The following TMEM135 variants were observed in gnomAD, a reference collection of about 807,000 sequenced individuals.
TMEM135 encodes the protein transmembrane protein 135, also known as peroxisomal membrane protein 52.
Under a neutral mutation model 60.3 loss-of-function variants are expected in TMEM135, and 30 were observed. The ratio of observed to expected loss-of-function variants is 0.50; its 90% CI spans 0.37 to 0.68. The LOEUF (loss-of-function observed/expected upper bound fraction) is 0.68, where lower values mean the gene tolerates loss of function less well. TMEM135 is among the 30% of genes least tolerant of loss of function. The probability of loss-of-function intolerance (pLI) is 0.00; values close to 1 mark genes in which losing one functional copy is unlikely to be tolerated. For missense variants in TMEM135, 468 were observed against 548.8 expected, an observed-to-expected ratio of 0.85 and a Z score of 1.47; for synonymous variants, 190 against 186.7, an observed-to-expected ratio of 1.02 and a Z score of -0.14.
intron 5 of TMEM135, among the ~76,000 whole-genome samples, chr11:87,205,858 G>A (rs1940222645): frequency 6.6e-6 from 1 of 152,104 alleles, no homozygotes; most frequent in African/African-American, 2.4e-5. Flanking sequence ...ACTGGTCAGA[G>A]GATAAGGAAT....
chr11:87,300,483 T>C lies in TMEM135; in HGVS notation c.552-1813T>C, dbSNP rs139996705. The stretch of plus-strand genomic sequence containing the variant: ...TCTGGGTTCAAATAATTACTGATAA[T>C]TTATTGGTTGTGGACAAGATACTTA... On this transcript the variant is annotated intron_variant, in intron 7 of 14. Transcript: ENST00000305494. 5.9e-5 allele frequency among the ~76,000 whole-genome samples: 9 copies of C among 152,296 alleles called. No homozygotes were observed. In the East Asian group the frequency reaches 1.7e-3, roughly 29 times the overall value.
intron 5 of TMEM135, among the ~76,000 whole-genome samples, chr11:87,212,705 C>A (rs1313347071): frequency 6.6e-6 from 1 of 151,780 alleles, no homozygotes; most frequent in East Asian, 1.9e-4. Flanking sequence ...TGCTTGTGGT[C>A]CCAGCTACTC....
intron 4 of TMEM135, among the ~76,000 whole-genome samples, chr11:87,144,954 G>A (rs1341185755): frequency 6.6e-6 from 1 of 151,856 alleles, no homozygotes; most frequent in Non-Finnish European, 1.5e-5. Flanking sequence ...ACTTTTTTGT[G>A]GCAAGAACAT....
intron 4 of TMEM135, among the ~76,000 whole-genome samples, chr11:87,137,662 A>C (rs888797424): frequency 7.4e-6 from 1 of 135,222 alleles, no homozygotes; most frequent in African/African-American, 2.7e-5. Context: ...ATAACTCTAA[A>C]TCTCAGCATT....
chr11:87,083,755 A>G (rs747578821), intron 3 of TMEM135, among the ~76,000 whole-genome samples: 3 of 152,200 alleles, frequency 2.0e-5, no homozygotes, highest in Non-Finnish European at 4.4e-5. Context: ...GCTCTAGATT[A>G]GAAATTTATT....
At chr11:87,223,269 A>G (rs976760432) in intron 5 of TMEM135, among the ~76,000 whole-genome samples, 6 of 146,510 alleles carry the variant, frequency 4.1e-5, no homozygotes, top group Non-Finnish European at 7.4e-5. Context: ...GGTTCATGCT[A>G]TTCTCCTGCC....
At chr11:87,263,456 T>C (rs11235056) in intron 6 of TMEM135, among the ~76,000 whole-genome samples, 4,156 of 152,242 alleles carry the variant, frequency 0.027, 153 homozygotes, top group East Asian at 0.16. Context: ...TCATTATTTA[T>C]CCTAGTAGAG....
chr11:87,211,728 T>C (rs976046436), intron 5 of TMEM135, among the ~76,000 whole-genome samples: 2 of 151,984 alleles, frequency 1.3e-5, no homozygotes, highest in Non-Finnish European at 2.9e-5. Flanking sequence ...AGCAGGATAG[T>C]TTACTGTTTA....
intron 4 of TMEM135, among the ~76,000 whole-genome samples, chr11:87,128,323 A>T (rs756036487): frequency 3.3e-4 from 50 of 151,988 alleles, no homozygotes; most frequent in African/African-American, 1.2e-3. Flanking sequence ...CAAATCTCTT[A>T]CTGCTTTGTA....
At chr11:87,256,148 T>G (rs146543435) in intron 6 of TMEM135, among the ~76,000 whole-genome samples, 1 of 151,408 alleles carries the variant, frequency 6.6e-6, no homozygotes, top group African/African-American at 2.5e-5. Flanking sequence ...TATAAACTTA[T>G]TTGAATTTAC....
intron 5 of TMEM135, among the ~76,000 whole-genome samples, chr11:87,202,304 G>A (rs1156800724): frequency 6.6e-6 from 1 of 152,058 alleles, no homozygotes; most frequent in African/African-American, 2.4e-5. Flanking sequence ...GGGATTACAG[G>A]CGTAAGCCGC....
intron 1 of TMEM135, among the ~76,000 whole-genome samples, chr11:87,041,317 C>A (rs1464796900): frequency 6.7e-6 from 1 of 150,158 alleles, no homozygotes; most frequent in East Asian, 2.0e-4. Context: ...GACTGAAGGA[C>A]AGGCTAAAGG....
chr11:87,189,159 T>C (rs1013092246), intron 5 of TMEM135, among the ~76,000 whole-genome samples: 4 of 151,618 alleles, frequency 2.6e-5, no homozygotes, highest in African/African-American at 9.7e-5. Flanking sequence ...TTCCTTTCCC[T>C]TTCCCTTTCC....
chr11:87,149,032 TTGTGTGTG>T (rs553840798), intron 4 of TMEM135, among the ~76,000 whole-genome samples: 1 of 143,694 alleles, frequency 7.0e-6, no homozygotes, highest in African/African-American at 2.5e-5. Context: ...CCCCATACCT[TTGTGTGTG>T]TGTGTGTGTG....
intron 4 of TMEM135, among the ~76,000 whole-genome samples, chr11:87,139,665 C>T (rs1006255623): frequency 3.9e-5 from 6 of 152,162 alleles, no homozygotes; most frequent in African/African-American, 1.4e-4. Context: ...GCCTTCCCGC[C>T]AGCAATATAT....
At position 87,327,537 on chromosome 11, in the gene TMEM135, G is replaced by T. The variant is rs1376059814; in HGVS notation, c.*6204G>T. On this transcript the variant is annotated 3_prime_UTR_variant, in exon 15 of 15. Coordinates refer to ENST00000305494, the MANE Select transcript of TMEM135 (RefSeq NM_022918.4). ...AGGGATAGAGAGATACATAGAGAGAGATATGAGAGGGATAGAGAGAGACAC... is the reference window on the plus strand; with the variant it reads ...AGGGATAGAGAGATACATAGAGAGATATATGAGAGGGATAGAGAGAGACAC... 4.4e-6 allele frequency: 2 copies of T among 453,080 alleles called. No individual in the cohort carries two copies. The highest frequency in any genetic ancestry group is 1.4e-4 in the East Asian group (2 of 14,376). The allele number at this position is 453,080 out of a possible 1,614,324, so 28.1% of individuals were successfully genotyped here.
At chr11:87,283,170 A>G (rs1942098897) in intron 6 of TMEM135, among the ~76,000 whole-genome samples, 1 of 151,754 alleles carries the variant, frequency 6.6e-6, no homozygotes, top group South Asian at 2.1e-4. Context: ...CCCTGTCTCT[A>G]CTGAAAATAC....
At chr11:87,293,363 A>G (rs1266715229) in intron 6 of TMEM135, among the ~76,000 whole-genome samples, 2 of 150,674 alleles carry the variant, frequency 1.3e-5, no homozygotes, top group Non-Finnish European at 2.9e-5. Context: ...CTTAATTGAA[A>G]TTGAGTTTTT....
chr11:87,038,378 G>C (rs894659754), intron 1 of TMEM135, among the ~76,000 whole-genome samples, 192 bp downstream of exon 1: 2 of 152,126 alleles, frequency 1.3e-5, no homozygotes, highest in Non-Finnish European at 2.9e-5. Context: ...ATTCCTGCAA[G>C]GGAGAAGGAG....
Sources: allele counts gnomAD v4.1 joint callset (sites outside exome capture counted in the v4.1 genomes callset), GRCh38; gene constraint gnomAD v4.1.1; transcripts MANE v1.5; gene names NCBI Gene and HGNC (gene_info 2026-07-23, HGNC 2026-07-21).